Variants in AKR1C3 observed in about 807,000 individuals in gnomAD.
AKR1C3 encodes the protein aldo-keto reductase family 1 member C3.
AKR1C3 carries 48 observed loss-of-function variants against 43.6 expected under a neutral mutation model. The ratio of observed to expected loss-of-function variants is 1.10; its 90% CI spans 0.87 to 1.40. The LOEUF (loss-of-function observed/expected upper bound fraction) is 1.40. AKR1C3 is among the 40% of genes most tolerant of loss of function. AKR1C3 has a pLI of 0.00. For missense variants in AKR1C3, 482 were observed against 391.2 expected, an observed-to-expected ratio of 1.23 and a Z score of -1.96; for synonymous variants, 162 against 139.6, an observed-to-expected ratio of 1.16 and a Z score of -1.13.
At chr10:5,098,912 A>ATTTTCTCTTTT (rs1839280690) in intron 4 of AKR1C3, 33 bp downstream of exon 4, 2 of 1,543,046 alleles carry the variant, frequency 1.3e-6, no homozygotes, top group Admixed American at 3.8e-5. Flanking sequence ...ACAGAGAAGG[A>ATTTTCTCTTTT]TGACAAAAAG....
At chr10:5,066,587 A>T (rs1554780820) in intron 1 of AKR1C3, among the ~76,000 whole-genome samples, 1 of 152,188 alleles carries the variant, frequency 6.6e-6, no homozygotes, top group African/African-American at 2.4e-5. Context: ...TATTATGACT[A>T]TTGGGAGCAT....
intron 1 of AKR1C3, among the ~76,000 whole-genome samples, chr10:5,082,123 G>A (rs550491635): frequency 6.6e-6 from 1 of 152,238 alleles, no homozygotes; most frequent in Admixed American, 6.5e-5. Flanking sequence ...TTGAGCTTCT[G>A]CTCCTTGGTC....
chr10:5,071,948 C>T (rs555665086), intron 1 of AKR1C3, among the ~76,000 whole-genome samples: 6 of 152,326 alleles, frequency 3.9e-5, no homozygotes, highest in Admixed American at 1.3e-4. Context: ...GTTCAGTTCA[C>T]GCTGGACCTC....
intron 8 of AKR1C3, 24 bp downstream of exon 8, chr10:5,105,701 G>T (rs1554787093): frequency 2.5e-6 from 4 of 1,570,766 alleles, no homozygotes; most frequent in African/African-American, 2.7e-5. Flanking sequence ...GTAAATGGGT[G>T]ATCTAATTTA....
In AKR1C3 at chr10:5,099,591, G is replaced by C. The variant is rs142937618; in HGVS notation, c.570+142G>C. The C allele has an allele frequency of 7.8e-5, 112 of 1,434,266 alleles. 2 individuals are homozygous for C. The East Asian group carries it at 2.0e-3, about 25-fold the overall frequency. The allele number at this position is 1,434,266 out of a possible 1,614,324, so 88.8% of individuals were successfully genotyped here. ...GAGCAAAGCTTCTGTCAAGAAAGGC[G>C]TGAAGATTTCTTGTTTGTACCCTGC... is the stretch of plus-strand genomic sequence containing the variant. On this transcript the variant is annotated intron_variant, in intron 5 of 8. Transcript: ENST00000380554.
At chr10:5,103,323 TG>T (rs1554786440) in intron 7 of AKR1C3, among the ~76,000 whole-genome samples, 1 of 137,814 alleles carries the variant, frequency 7.3e-6, no homozygotes, top group Non-Finnish European at 1.7e-5. Flanking sequence ...TTTCTGTTTG[TG>T]TACTGCCTGT....
At chr10:5,061,566 T>C (rs1554780255) in intron 1 of AKR1C3, among the ~76,000 whole-genome samples, 2 of 152,168 alleles carry the variant, frequency 1.3e-5, no homozygotes, top group African/African-American at 4.8e-5. Flanking sequence ...GAAAAACGCA[T>C]TGGCAACATT....
Position 5,107,649 on chromosome 10 carries a change from G to C in AKR1C3, c.*146G>C. 1 of 595,894 alleles carries C rather than the reference G, an allele frequency of 1.7e-6. No homozygotes were observed. Among genetic ancestry groups the C allele is most frequent in the Non-Finnish European group, 3.0e-6 (1 of 335,780 alleles). The allele number at this position is 595,894 out of a possible 1,614,324, so 36.9% of individuals were successfully genotyped here. ...TCAGTCAACTACAGCTGAGTCCATA[G>C]GCCAGAAAGACAATAAATTTTTATC... On this transcript the variant is annotated 3_prime_UTR_variant, in exon 9 of 9. Coordinates refer to ENST00000380554, the MANE Select transcript of AKR1C3 (RefSeq NM_003739.6).
chr10:5,101,671 T>C (rs1839353597), intron 5 of AKR1C3, among the ~76,000 whole-genome samples: 1 of 152,232 alleles, frequency 6.6e-6, no homozygotes, highest in Non-Finnish European at 1.5e-5. Flanking sequence ...ATTTTTTTCT[T>C]GATGCTGAAA....
intron 1 of AKR1C3, chr10:5,081,971 T>C (rs1371674707): frequency 6.6e-6 from 1 of 152,192 alleles, no homozygotes; most frequent in East Asian, 1.9e-4. Flanking sequence ...CTACATGGCA[T>C]TCACCCTAAA....
intron 1 of AKR1C3, among the ~76,000 whole-genome samples, chr10:5,055,930 G>A (rs1307745683): frequency 4.6e-5 from 7 of 152,194 alleles, no homozygotes; most frequent in African/African-American, 1.7e-4. Flanking sequence ...GCAAAGATAA[G>A]CCAGTATAGG....
chr10:5,104,030 ATGTATTAT>A (rs1353935814), intron 7 of AKR1C3, among the ~76,000 whole-genome samples: 1 of 151,850 alleles, frequency 6.6e-6, no homozygotes, highest in African/African-American at 2.4e-5. Context: ...AGAGATTTAG[ATGTATTAT>A]TGAAGTACCA....
chr10:5,104,896 TG>T (rs1554786830), intron 7 of AKR1C3, among the ~76,000 whole-genome samples: 1 of 152,182 alleles, frequency 6.6e-6, no homozygotes, highest in Non-Finnish European at 1.5e-5. Context: ...AAAAATGTAA[TG>T]AACACCTTTT....
chr10:5,090,273 C>T (rs1309164824), upstream of AKR1C3, among the ~76,000 whole-genome samples: 1 of 152,010 alleles, frequency 6.6e-6, no homozygotes, highest in African/African-American at 2.4e-5. Flanking sequence ...CAGGCACCAG[C>T]CCAAAGAGAG....
At chr10:5,100,765 C>T (rs1839328965) in intron 5 of AKR1C3, among the ~76,000 whole-genome samples, 1 of 152,052 alleles carries the variant, frequency 6.6e-6, no homozygotes, top group Admixed American at 6.5e-5. Flanking sequence ...AATATTAGTC[C>T]TTCAATTTTT....
intron 1 of AKR1C3, among the ~76,000 whole-genome samples, chr10:5,055,855 G>C (rs1291967700): frequency 6.6e-6 from 1 of 152,166 alleles, no homozygotes; most frequent in African/African-American, 2.4e-5. Context: ...GCTGTATCTG[G>C]GGATCCATAG....
At chr10:5,082,542 C>G (rs80257567) in intron 1 of AKR1C3, among the ~76,000 whole-genome samples, 5,055 of 151,496 alleles carry the variant, frequency 0.033, 295 homozygotes, top group African/African-American at 0.12. Flanking sequence ...TTGGGATGAT[C>G]ATTTTTTTTT....
At chr10:5,051,075 G>A (rs951234476) in intron 1 of AKR1C3, among the ~76,000 whole-genome samples, 3 of 151,052 alleles carry the variant, frequency 2.0e-5, no homozygotes, top group African/African-American at 7.4e-5. Context: ...TTGAAGATTT[G>A]ACTGTGTGTG....
chr10:5,102,622 AT>A lies in AKR1C3; in HGVS notation c.819del (p.Asn273LysfsTer16), dbSNP rs782718244. On this transcript the variant is annotated frameshift_variant, in exon 7 of 9. Transcript: ENST00000380554. LOFTEE classifies it high-confidence loss of function. ...RGVVVLAKSY[N>X]EQRIRQNVQV... ...GTTGTGGTCCTGGCCAAGAGCTACA[AT>A]GAGCAGCGCATCAGACAGAACGTGC... The A allele has an allele frequency of 7.5e-5, 113 of 1,496,948 alleles. No homozygotes were observed. The highest frequency in any genetic ancestry group is 9.8e-5 in the Non-Finnish European group (110 of 1,122,512). 92.7% of individuals were successfully genotyped at this position (1,496,948 alleles called of 1,614,324 possible). A position where few individuals can be genotyped will look rare whatever the true frequency, so the allele number is the denominator to read the frequency against.
Sources: allele counts gnomAD v4.1 joint callset (sites outside exome capture counted in the v4.1 genomes callset), GRCh38; gene constraint gnomAD v4.1.1; transcripts MANE v1.5; gene names NCBI Gene and HGNC (gene_info 2026-07-23, HGNC 2026-07-21).